The following LIPA variants were observed in gnomAD, a reference collection of about 807,000 sequenced individuals.
The protein encoded by LIPA is lipase A, lysosomal acid type.
LIPA carries 26 observed loss-of-function variants against 40.6 expected under a neutral mutation model. The observed-to-expected ratio is 0.64, with a 90% CI of 0.47 to 0.89. LIPA has a LOEUF of 0.89. LIPA is among the 40% of genes least tolerant of loss of function. The pLI, the probability that LIPA is intolerant of heterozygous loss-of-function variation, is 0.00. For missense variants in LIPA, 455 were observed against 479.6 expected, an observed-to-expected ratio of 0.95 and a Z score of 0.48; for synonymous variants, 188 against 168.4, an observed-to-expected ratio of 1.12 and a Z score of -0.90.
At chr10:89,253,026 A>G (rs1303972562), upstream of LIPA, among the ~76,000 whole-genome samples, 1 of 152,196 alleles carries the variant, frequency 6.6e-6, no homozygotes, top group African/African-American at 2.4e-5. Context: ...AGGCTAAAAC[A>G]GAATGTACAT....
chr10:89,401,598 T>C (rs303212), intron 2 of LIPA, among the ~76,000 whole-genome samples: 58,664 of 151,850 alleles, frequency 0.39, 13,592 homozygotes, highest in African/African-American at 0.63. Flanking sequence ...CTCATAGGCT[T>C]ACGTGAAAAA....
intron 2 of LIPA, among the ~76,000 whole-genome samples, chr10:89,393,662 G>GT (rs1844291410): frequency 6.6e-6 from 1 of 152,188 alleles, no homozygotes; most frequent in African/African-American, 2.4e-5. Flanking sequence ...CCTGGGAGGC[G>GT]TAAGTTGCAG....
chr10:89,366,659 A>G lies in LIPA; in HGVS notation c.61+46132T>C, dbSNP rs149951484. 6.2e-3 allele frequency among the ~76,000 whole-genome samples: 951 copies of G among 152,322 alleles called. 3 individuals carry two copies. Among genetic ancestry groups the G allele is most frequent in the Non-Finnish European group, 0.011 (717 of 68,028 alleles). On this transcript the variant is annotated intron_variant, in intron 2 of 8. Coordinates refer to the LIPA transcript ENST00000371837. The stretch of plus-strand genomic sequence containing the variant: ...CACACCAGTTAGAATGGCCATCATT[A>G]AAAAGTCAGGAAACAACAGGTGCTG...
chr10:89,366,541 A>G (rs1844058411), intron 2 of LIPA, among the ~76,000 whole-genome samples: 2 of 152,238 alleles, frequency 1.3e-5, no homozygotes, highest in Non-Finnish European at 2.9e-5. Flanking sequence ...TCTCAAAAGA[A>G]GACATTTATG....
intron 2 of LIPA, chr10:89,392,643 G>T: frequency 2.0e-5 from 31 of 1,571,136 alleles, no homozygotes; most frequent in African/African-American, 2.7e-5. Flanking sequence ...CCACAAGACA[G>T]AATAGCCAGA....
intron 1 of LIPA, among the ~76,000 whole-genome samples, chr10:89,279,924 A>C (rs1843306649): frequency 6.6e-6 from 1 of 152,102 alleles, no homozygotes; most frequent in African/African-American, 2.4e-5. Flanking sequence ...GTATTGAAAA[A>C]CCCACACAAT....
intron 3 of LIPA, among the ~76,000 whole-genome samples, chr10:89,231,623 ACC>A (rs1589561033): frequency 6.6e-6 from 1 of 152,294 alleles, no homozygotes; most frequent in East Asian, 1.9e-4. Context: ...ACAGGTGTGT[ACC>A]ACAACATCCA....
rs778780317 is a variant in LIPA, at chr10:89,222,553, A to C, written c.852T>G (p.Ser284=). 3.1e-6 allele frequency: 5 copies of C among 1,609,846 alleles called. No homozygotes were observed. The highest frequency in any genetic ancestry group is 1.7e-4 in the Middle Eastern group (1 of 6,054). The change falls in exon 8 of 10, where the codon TCT becomes TCG. Residue 284 remains serine (S), a synonymous_variant. Transcript: ENST00000336233. ...TGTTTTGCACAGAAGTTCCAGCAGG[A>C]GAATGTGTTGTATATACATCCACTC... ...MSRVDVYTTH[S]PAGTSVQNML...
chr10:89,330,051 G>A (rs555814060), intron 1 of LIPA, among the ~76,000 whole-genome samples: 4 of 152,258 alleles, frequency 2.6e-5, no homozygotes, highest in African/African-American at 9.6e-5. Flanking sequence ...CATCGGTTAA[G>A]GCAGGAACAG....
intron 1 of LIPA, among the ~76,000 whole-genome samples, chr10:89,315,147 T>C (rs1295236426): frequency 6.6e-6 from 1 of 152,222 alleles, no homozygotes; most frequent in African/African-American, 2.4e-5. Flanking sequence ...AAATTTTACA[T>C]GTTTGTATCT....
chr10:89,398,984 C>T (rs961639265), intron 2 of LIPA, among the ~76,000 whole-genome samples: 6 of 152,164 alleles, frequency 3.9e-5, no homozygotes, highest in Non-Finnish European at 8.8e-5. Flanking sequence ...CCCCCTTTTA[C>T]ATTCCTACTA....
chr10:89,248,854 T>C (rs1233544368), intron 1 of LIPA, among the ~76,000 whole-genome samples: 2 of 152,138 alleles, frequency 1.3e-5, no homozygotes, highest in Non-Finnish European at 2.9e-5. Flanking sequence ...GAGTCCAGCA[T>C]ACCCATTCAC....
intron 1 of LIPA, among the ~76,000 whole-genome samples, chr10:89,268,917 C>T (rs1303925852): frequency 6.7e-6 from 1 of 149,482 alleles, no homozygotes; most frequent in African/African-American, 2.5e-5. Flanking sequence ...ACCTGGGAGG[C>T]GGAGCTTGCA....
intron 1 of LIPA, among the ~76,000 whole-genome samples, chr10:89,250,103 C>CTTTTTTTTTTTTTTTTT (rs1564767193): frequency 3.2e-5 from 3 of 94,062 alleles, no homozygotes; most frequent in Admixed American, 1.1e-4. Context: ...CTTTTCTTTT[C>CTTTTTTTTTTTTTTTTT]TTTCTTTTTT....
At chr10:89,355,701 A>G (rs1843984954) in intron 2 of LIPA, among the ~76,000 whole-genome samples, 1 of 152,232 alleles carries the variant, frequency 6.6e-6, no homozygotes, top group South Asian at 2.1e-4. Flanking sequence ...GATGCGGTAA[A>G]GAAGCCAGCC....
At chr10:89,229,548 C>A (rs900086049) in intron 3 of LIPA, among the ~76,000 whole-genome samples, 1 of 152,058 alleles carries the variant, frequency 6.6e-6, no homozygotes, top group Non-Finnish European at 1.5e-5. Flanking sequence ...GTCAGTAGTT[C>A]GAGACTAGCC....
intron 8 of LIPA, among the ~76,000 whole-genome samples, chr10:89,217,021 T>C (rs1842636624): frequency 6.6e-6 from 1 of 152,204 alleles, no homozygotes; most frequent in African/African-American, 2.4e-5. Flanking sequence ...TAATATAAAA[T>C]ATTAGCAAAA....
intron 2 of LIPA, chr10:89,412,706 C>T (rs1011299160): frequency 9.3e-6 from 4 of 431,020 alleles, no homozygotes; most frequent in African/African-American, 6.2e-5. Context: ...ACGAACAACT[C>T]CGGACGCGCC....
chr10:89,241,064 G>A (rs974567551), intron 3 of LIPA, among the ~76,000 whole-genome samples: 2 of 152,124 alleles, frequency 1.3e-5, no homozygotes, highest in Non-Finnish European at 2.9e-5. Flanking sequence ...GTAGCCAGGG[G>A]CCTGACCTGG....
Sources: allele counts gnomAD v4.1 joint callset (sites outside exome capture counted in the v4.1 genomes callset), GRCh38; gene constraint gnomAD v4.1.1; transcripts MANE v1.5; gene names NCBI Gene and HGNC (gene_info 2026-07-23, HGNC 2026-07-21).